The following ALDH18A1 variants were observed in gnomAD, a reference collection of about 807,000 sequenced individuals.
ALDH18A1 encodes the protein aldehyde dehydrogenase 18 family member A1.
ALDH18A1 carries 44 observed loss-of-function variants against 88.8 expected under a neutral mutation model. The ratio of observed to expected loss-of-function variants is 0.50; its 90% CI spans 0.39 to 0.64. The LOEUF (loss-of-function observed/expected upper bound fraction) is 0.64, where lower values mean the gene tolerates loss of function less well. Among genes scored for constraint, ALDH18A1 ranks in the 30% least tolerant of loss-of-function variants. The pLI is 0.00. For synonymous variants in ALDH18A1, 331 were observed against 372.1 expected, an observed-to-expected ratio of 0.89 and a Z score of 1.27; for missense variants, 782 against 1,009.5, an observed-to-expected ratio of 0.77 and a Z score of 3.05.
At position 95,632,947 on chromosome 10, in the gene ALDH18A1, A is replaced by G; in HGVS notation, c.808+12T>C. The G allele has an allele frequency of 6.2e-7, 1 of 1,611,100 alleles. No homozygotes were observed. The highest frequency in any genetic ancestry group is 2.2e-5 in the East Asian group (1 of 44,882). On this transcript the variant is annotated intron_variant, in intron 7 of 17. Transcript: ENST00000371224. ...CAAAGGGCAGATAAAGGAAAAAAGC[A>G]TTACTTTGTACCTTCTACATCTGAA...
intron 2 of ALDH18A1, among the ~76,000 whole-genome samples, chr10:95,645,680 A>G (rs889595526): frequency 1.3e-5 from 2 of 152,260 alleles, no homozygotes; most frequent in Admixed American, 1.3e-4. Flanking sequence ...GATATAAGAA[A>G]GATAATATGA....
In ALDH18A1 at chr10:95,627,424, T is replaced by C. The variant is rs1324749628; in HGVS notation, c.1078+18A>G. ...AGTTCCCATCACAGGCCTTGGGACC[T>C]TATGAAGAACTATTTACCTGCAGGC... On this transcript the variant is annotated intron_variant, in intron 9 of 17. Coordinates refer to ENST00000371224, the MANE Select transcript of ALDH18A1 (RefSeq NM_002860.4). 1 of 1,614,064 alleles carries C rather than the reference T, an allele frequency of 6.2e-7. No individual in the cohort carries two copies.
At chr10:95,645,026 T>C (rs1206074956) in intron 2 of ALDH18A1, among the ~76,000 whole-genome samples, 2 of 152,148 alleles carry the variant, frequency 1.3e-5, no homozygotes, top group Non-Finnish European at 2.9e-5. Flanking sequence ...ATATTCTGAG[T>C]TTCCTGCTAC....
chr10:95,630,120 C>T (rs376520444), intron 7 of ALDH18A1, among the ~76,000 whole-genome samples: 26 of 151,504 alleles, frequency 1.7e-4, no homozygotes, highest in South Asian at 1.0e-3. Context: ...TCTTTCCCCC[C>T]CCTCTCCCAA....
chr10:95,653,962 G>T (rs1050029624), intron 1 of ALDH18A1, among the ~76,000 whole-genome samples: 1 of 152,170 alleles, frequency 6.6e-6, no homozygotes, highest in Non-Finnish European at 1.5e-5. Flanking sequence ...GAAGGCAGTG[G>T]CAATGCCTAC....
intron 13 of ALDH18A1, 75 bp from the exon 14 acceptor site, chr10:95,614,236 A>C: frequency 6.9e-7 from 1 of 1,447,900 alleles, no homozygotes; most frequent in Non-Finnish European, 9.6e-7. Context: ...CTTCCCTTTT[A>C]CAGATAAACA....
chr10:95,613,901 T>C, intron 14 of ALDH18A1, 38 bp from the exon 15 acceptor site: 1 of 1,614,220 alleles, frequency 6.2e-7, no homozygotes. Context: ...TCCATTGACA[T>C]GATCCAGAGC....
At chr10:95,625,508 G>A (rs1033294741) in intron 10 of ALDH18A1, 53 bp from the exon 11 acceptor site, 11 of 1,462,152 alleles carry the variant, frequency 7.5e-6, no homozygotes, top group Middle Eastern at 1.7e-4. Flanking sequence ...CAAGAAGAAT[G>A]CACACCACAG....
chr10:95,607,240 A>G (rs972621553), intron 17 of ALDH18A1, among the ~76,000 whole-genome samples: 3 of 152,228 alleles, frequency 2.0e-5, no homozygotes, highest in Admixed American at 6.5e-5. Flanking sequence ...TCAGTTTAGC[A>G]TCTGAATTGC....
At chr10:95,645,807 C>T (rs964154944) in intron 2 of ALDH18A1, among the ~76,000 whole-genome samples, 1 of 152,020 alleles carries the variant, frequency 6.6e-6, no homozygotes, top group African/African-American at 2.4e-5. Context: ...TGCACGGTCT[C>T]TTCCTGCTGT....
At chr10:95,643,982 A>G (rs1338024960) in intron 2 of ALDH18A1, among the ~76,000 whole-genome samples, 1 of 152,176 alleles carries the variant, frequency 6.6e-6, no homozygotes, top group Non-Finnish European at 1.5e-5. Flanking sequence ...CGTCTCTACT[A>G]AAATGCAAAA....
intron 3 of ALDH18A1, among the ~76,000 whole-genome samples, chr10:95,638,782 C>A (rs2097885903): frequency 6.6e-6 from 1 of 152,188 alleles, no homozygotes; most frequent in African/African-American, 2.4e-5. Flanking sequence ...AGTCAATATT[C>A]CTAAACTGTC....
intron 10 of ALDH18A1, among the ~76,000 whole-genome samples, chr10:95,625,772 G>T (rs767749447): frequency 5.3e-5 from 8 of 151,772 alleles, no homozygotes; most frequent in Non-Finnish European, 4.4e-5. Flanking sequence ...AAAAGGGGGG[G>T]AAGGGGCATG....
At chr10:95,641,975 G>C (rs2097892580) in intron 3 of ALDH18A1, among the ~76,000 whole-genome samples, 1 of 152,078 alleles carries the variant, frequency 6.6e-6, no homozygotes, top group Admixed American at 6.6e-5. Context: ...GTCTCACTTT[G>C]TTGCTCAGGC....
intron 12 of ALDH18A1, among the ~76,000 whole-genome samples, chr10:95,619,966 C>G (rs937673404): frequency 6.6e-6 from 1 of 152,186 alleles, no homozygotes; most frequent in Non-Finnish European, 1.5e-5. Context: ...AGAGCTTCTG[C>G]ATGGCAAAAG....
Position 95,611,430 on chromosome 10 carries a change from C to A in ALDH18A1, c.1936G>T (p.Ala646Ser). 1.2e-6 allele frequency: 2 copies of A among 1,614,172 alleles called. No individual in the cohort carries two copies. Among genetic ancestry groups the A allele is most frequent in the Non-Finnish European group, 1.7e-6 (2 of 1,180,018 alleles). The change falls in exon 16 of 18, where the codon GCA (alanine) becomes TCA (serine). Residue 646 changes from alanine to serine, a missense_variant. By Grantham distance (99) the Ala-to-Ser change is moderately conservative (BLOSUM62 1). Coordinates refer to ENST00000371224, the MANE Select transcript of ALDH18A1 (RefSeq NM_002860.4). ...MLRVEQVKIH[A>S]GPKFASYLTF... ...AGATAGGAGGCAAATTTGGGGCCTG[C>A]ATGAATTTTTACCTGGAACAGAGGA...
chr10:95,633,135 A>C (rs2097873810), intron 6 of ALDH18A1, 86 bp from the exon 7 acceptor site: 1 of 1,273,044 alleles, frequency 7.9e-7, no homozygotes, highest in African/African-American at 1.5e-5. Context: ...AGCTCAGGCA[A>C]AACCAAGCTA....
At chr10:95,615,421 T>G (rs2097842532) in intron 13 of ALDH18A1, among the ~76,000 whole-genome samples, 1 of 151,856 alleles carries the variant, frequency 6.6e-6, no homozygotes, top group South Asian at 2.1e-4. Flanking sequence ...ACATATTGAC[T>G]GGGAAGGGCA....
At chr10:95,629,658 T>C (rs1458606498) in intron 7 of ALDH18A1, among the ~76,000 whole-genome samples, 5 of 152,154 alleles carry the variant, frequency 3.3e-5, no homozygotes, top group South Asian at 2.1e-4. Flanking sequence ...ACAGGAAAGA[T>C]TGGACAATTC....
Sources: allele counts gnomAD v4.1 joint callset (sites outside exome capture counted in the v4.1 genomes callset), GRCh38; gene constraint gnomAD v4.1.1; transcripts MANE v1.5; gene names NCBI Gene and HGNC (gene_info 2026-07-23, HGNC 2026-07-21).